The following GOLGA1 variants were observed in gnomAD, a reference collection of about 807,000 sequenced individuals.
GOLGA1 encodes golgin A1.
Under a neutral mutation model 119.7 loss-of-function variants are expected in GOLGA1, and 63 were observed. That is an observed-to-expected ratio of 0.53 (90% CI 0.43 to 0.65). The LOEUF (loss-of-function observed/expected upper bound fraction) is 0.65, where lower values mean the gene tolerates loss of function less well. Among genes scored for constraint, GOLGA1 ranks in the 30% least tolerant of loss-of-function variants. The pLI, the probability that GOLGA1 is intolerant of heterozygous loss-of-function variation, is 0.00. For synonymous variants in GOLGA1, 318 were observed against 333.4 expected (o/e 0.95, Z 0.50); for missense variants, 798 against 912.8 (o/e 0.87, Z 1.62).
intron 15 of GOLGA1, among the ~76,000 whole-genome samples, chr9:124,896,394 CA>C (rs925406934): frequency 3.9e-5 from 6 of 152,226 alleles, no homozygotes; most frequent in Non-Finnish European, 8.8e-5. Flanking sequence ...GCCTGGGCGA[CA>C]AAGTGAGACT....
chr9:124,921,365 G>T (rs1190141890), intron 9 of GOLGA1, 125 bp from the exon 10 acceptor site: 2 of 672,602 alleles, frequency 3.0e-6, no homozygotes, highest in Non-Finnish European at 5.3e-6. Context: ...CCACATGCAG[G>T]TTTTCAACGG....
chr9:124,911,228 G>A (rs1830334586), intron 11 of GOLGA1, among the ~76,000 whole-genome samples: 1 of 152,172 alleles, frequency 6.6e-6, no homozygotes. Context: ...TTCTAACATA[G>A]ACTAGGCTAG....
intron 12 of GOLGA1, among the ~76,000 whole-genome samples, chr9:124,904,340 G>A (rs536678626): frequency 2.0e-5 from 3 of 152,122 alleles, no homozygotes; most frequent in Non-Finnish European, 4.4e-5. Flanking sequence ...AGATGAAAAA[G>A]TTTTGGAGAT....
chr9:124,888,276 G>A lies in GOLGA1; in HGVS notation c.1882C>T (p.Gln628Ter). 6.2e-7 allele frequency: 1 copy of A among 1,614,036 alleles called. No individual in the cohort carries two copies. Among genetic ancestry groups the A allele is most frequent in the Non-Finnish European group, 8.5e-7 (1 of 1,179,920 alleles). The change falls in exon 19 of 23, where the codon CAG (glutamine) becomes TAG (stop). Residue 628 changes from glutamine (Q) to a stop codon, truncating the protein, a stop_gained. Transcript: ENST00000373555. LOFTEE classifies it high-confidence loss of function. This position sits in a 1 kb window ranked among gnomAD's most constrained non-coding sequence, Gnocchi z 4.4. Reference protein sequence around the residue: ...QLQKEKQDLEQQLLEKNKTIK... With the variant: ...QLQKEKQDLE ...ACCTTATTTTTCTCCAGAAGTTGCT[G>A]CTCCAAGTCCTGTTTCTCCTTCTGT... is the stretch of plus-strand genomic sequence containing the variant.
intron 4 of GOLGA1, 31 bp downstream of exon 4, chr9:124,931,282 CTGT>C (rs946621240): frequency 2.0e-6 from 2 of 979,230 alleles, no homozygotes; most frequent in African/African-American, 3.2e-5. Context: ...GGCAAGTTTC[CTGT>C]TGTTTGCTTT....
chr9:124,930,578 T>C (rs1830753823), intron 4 of GOLGA1, among the ~76,000 whole-genome samples: 1 of 152,196 alleles, frequency 6.6e-6, no homozygotes, highest in African/African-American at 2.4e-5. Flanking sequence ...AATATAAATA[T>C]TTCACATACC....
chr9:124,914,414 C>T (rs139143818), intron 10 of GOLGA1, among the ~76,000 whole-genome samples: 1,628 of 151,934 alleles, frequency 0.011, 22 homozygotes, highest in Non-Finnish European at 0.015. Flanking sequence ...GGCGGGAGAA[C>T]GGCGTGAACC....
chr9:124,884,532 T>C (rs563358654), intron 19 of GOLGA1, among the ~76,000 whole-genome samples: 1 of 152,274 alleles, frequency 6.6e-6, no homozygotes, highest in Admixed American at 6.5e-5. Context: ...GTGGCTGGGC[T>C]TCCACTTTAA....
chr9:124,905,049 G>C (rs910552359), intron 12 of GOLGA1, among the ~76,000 whole-genome samples: 8 of 151,248 alleles, frequency 5.3e-5, no homozygotes, highest in Non-Finnish European at 7.4e-5. Flanking sequence ...GGGAGGTTGA[G>C]GCAGGAGAAT....
At chr9:124,916,877 C>CAAAAA (rs71494043) in intron 10 of GOLGA1, among the ~76,000 whole-genome samples, 29 of 41,210 alleles carry the variant, frequency 7.0e-4, no homozygotes, top group East Asian at 4.3e-3. Context: ...CCCTGACACA[C>CAAAAA]AAAAAAAAAA....
At chr9:124,940,737 A>G (rs1281051082) in intron 1 of GOLGA1, among the ~76,000 whole-genome samples, 1 of 152,206 alleles carries the variant, frequency 6.6e-6, no homozygotes, top group Admixed American at 6.5e-5. Flanking sequence ...ACTGAGCCCT[A>G]GAGAGGAGGA....
intron 19 of GOLGA1, among the ~76,000 whole-genome samples, chr9:124,885,495 A>G (rs911983652): frequency 1.3e-5 from 2 of 151,912 alleles, no homozygotes; most frequent in African/African-American, 4.8e-5. Context: ...AAAAAAAAAA[A>G]AAAAAAGAAA....
rs549972796 is a variant in GOLGA1, at chr9:124,882,636, C to G, written c.1906-67G>C. ...CATGTTTCACCAAAGGAAACAGACC[C>G]GAAGATCCCACGGGATCCCCTGTAC... is the stretch of plus-strand genomic sequence containing the variant. On this transcript the variant is annotated intron_variant, in intron 19 of 22. Transcript: ENST00000373555. The G allele has an allele frequency of 4.6e-4, 593 of 1,303,110 alleles. 1 individual carries two copies. The highest frequency in any genetic ancestry group is 6.0e-4 in the Admixed American group (34 of 56,918). 80.7% of individuals were successfully genotyped at this position (1,303,110 alleles called of 1,614,324 possible).
In GOLGA1 at chr9:124,878,481, T is replaced by G. The variant is rs574766493; in HGVS notation, c.*2049A>C. 1 of 152,624 alleles carries G rather than the reference T, an allele frequency of 6.6e-6. No individual in the cohort carries two copies. Among genetic ancestry groups the G allele is most frequent in the African/African-American group, 2.4e-5 (1 of 41,444 alleles). 9.5% of individuals were successfully genotyped at this position (152,624 alleles called of 1,614,324 possible). On this transcript the variant is annotated 3_prime_UTR_variant, in exon 23 of 23. Transcript: ENST00000373555. ...TACAACATGGAAGGAGAGCTCAAGA[T>G]CCATCGCTCGTATAAAGGGCTATAG...
chr9:124,890,263 C>T, intron 16 of GOLGA1, 126 bp downstream of exon 16: 1 of 675,680 alleles, frequency 1.5e-6, no homozygotes. Flanking sequence ...ACTGCATTCC[C>T]TGAGTCCTGA....
At position 124,881,088 on chromosome 9, in the gene GOLGA1, G is replaced by T; in HGVS notation, c.2223+83C>A. The T allele has an allele frequency of 1.2e-6, 1 of 804,960 alleles. No homozygotes were observed. The highest frequency in any genetic ancestry group is 2.2e-6 in the Non-Finnish European group (1 of 444,476). 49.9% of individuals were successfully genotyped at this position (804,960 alleles called of 1,614,324 possible). ...GTGCTGGTGCCTACACTCGGGTGTGGGTCTAAGGGGTCTTACACTGCTACT... is the reference window on the plus strand; with the variant it reads ...GTGCTGGTGCCTACACTCGGGTGTGTGTCTAAGGGGTCTTACACTGCTACT... On this transcript the variant is annotated intron_variant, in intron 22 of 22. Coordinates refer to ENST00000373555, the MANE Select transcript of GOLGA1 (RefSeq NM_002077.4). The surrounding 1 kb of genome is among the most constrained non-coding windows in gnomAD (Gnocchi z 4.9).
intron 13 of GOLGA1, 104 bp from the exon 14 acceptor site, chr9:124,899,582 C>T: frequency 8.8e-7 from 1 of 1,140,004 alleles, no homozygotes; most frequent in Non-Finnish European, 1.2e-6. Context: ...AGAAACAACT[C>T]TCTCCTGACC....
intron 15 of GOLGA1, among the ~76,000 whole-genome samples, chr9:124,895,117 A>C (rs1829937610): frequency 6.7e-6 from 1 of 148,754 alleles, no homozygotes; most frequent in African/African-American, 2.5e-5. Flanking sequence ...CACAACAGAG[A>C]CTCTCCACAA....
intron 12 of GOLGA1, among the ~76,000 whole-genome samples, chr9:124,904,705 G>A (rs1830185329): frequency 6.6e-6 from 1 of 152,018 alleles, no homozygotes; most frequent in African/African-American, 2.4e-5. Context: ...ACTTTGGGAT[G>A]CTGAGGCAGG....
Sources: gnomAD v4.1 joint callset for allele counts (sites outside exome capture counted in the v4.1 genomes callset) on GRCh38, gnomAD v4.1.1 for gene constraint, Gnocchi (gnomAD v3.1) non-coding constraint, MANE v1.5 for transcripts, NCBI Gene and HGNC (gene_info 2026-07-23, HGNC 2026-07-21) for gene names.